The following DNAH7 variants were observed in gnomAD, a reference collection of about 807,000 sequenced individuals.
The protein encoded by DNAH7 is axonemal beta dynein heavy chain 7.
Under a neutral mutation model 444.6 loss-of-function variants are expected in DNAH7, and 397 were observed. That is an observed-to-expected ratio of 0.89 (90% CI 0.82 to 0.97). The LOEUF is 0.97. DNAH7 is among the 50% of genes least tolerant of loss of function. The pLI, the probability that DNAH7 is intolerant of heterozygous loss-of-function variation, is 0.00. For synonymous variants in DNAH7, 1,636 were observed against 1,624.4 expected, an observed-to-expected ratio of 1.01 and a Z score of -0.17; for missense variants, 4,902 against 4,800.8, an observed-to-expected ratio of 1.02 and a Z score of -0.62.
intron 19 of DNAH7, among the ~76,000 whole-genome samples, chr2:195,951,329 T>C (rs1214788013): frequency 1.3e-5 from 2 of 152,300 alleles, no homozygotes; most frequent in South Asian, 2.1e-4. Flanking sequence ...TTCTGTTCTT[T>C]TGCATTTGCT....
chr2:195,902,868 T>C (rs1686791667), intron 27 of DNAH7: 1 of 152,180 alleles, frequency 6.6e-6, no homozygotes, highest in African/African-American at 2.4e-5. Flanking sequence ...TTGTGCAGCA[T>C]ACAGATATAA....
chr2:195,842,267 T>C (rs1157383085), intron 47 of DNAH7, among the ~76,000 whole-genome samples: 2 of 152,094 alleles, frequency 1.3e-5, no homozygotes, highest in African/African-American at 2.4e-5. Flanking sequence ...CAGGGACCTT[T>C]AGGAGTCAAC....
chr2:195,816,776 G>T lies in DNAH7; in HGVS notation c.9613C>A (p.Pro3205Thr). ...AGGATGGAAGAATGGATGGCAATAG[G>T]ACGATAGCCCATGCGGGTGGTGTCA... ...KIDTTRMGYR[P>T]IAIHSSILFF... is the part of the protein sequence containing the mutation. The change falls in exon 51 of 65, where the codon CCT (proline) becomes ACT (threonine). Residue 3205 changes from proline to threonine, a missense_variant. Transcript: ENST00000312428. The T allele has an allele frequency of 3.1e-6, 5 of 1,614,136 alleles. No homozygotes were observed. The highest frequency in any genetic ancestry group is 4.2e-6 in the Non-Finnish European group (5 of 1,180,006).
intron 22 of DNAH7, among the ~76,000 whole-genome samples, chr2:195,925,067 CAG>C (rs1400704842): frequency 2.0e-5 from 3 of 151,930 alleles, no homozygotes; most frequent in Non-Finnish European, 4.4e-5. Context: ...GTTTAAAAGA[CAG>C]AGATGAGGAC....
At chr2:196,022,975 C>G (rs2125765495) in intron 8 of DNAH7, among the ~76,000 whole-genome samples, 1 of 152,282 alleles carries the variant, frequency 6.6e-6, no homozygotes, top group South Asian at 2.1e-4. Flanking sequence ...GTTTGGGGAA[C>G]AGTTGATCCC....
intron 25 of DNAH7, among the ~76,000 whole-genome samples, chr2:195,907,670 G>C (rs1409448099): frequency 6.6e-6 from 1 of 152,060 alleles, no homozygotes; most frequent in East Asian, 1.9e-4. Context: ...TGCCAACCGT[G>C]ACTCACAGCA....
chr2:195,859,908 T>C (rs898471479), intron 42 of DNAH7, among the ~76,000 whole-genome samples: 3 of 152,172 alleles, frequency 2.0e-5, no homozygotes, highest in African/African-American at 7.2e-5. Context: ...ATAGATTTCC[T>C]TCCAAGTAAC....
chr2:195,923,190 C>T (rs1574780885), intron 23 of DNAH7, among the ~76,000 whole-genome samples: 1 of 152,056 alleles, frequency 6.6e-6, no homozygotes, highest in African/African-American at 2.4e-5. Flanking sequence ...ATGACTAAAT[C>T]AGACTGAAAG....
chr2:195,897,053 C>T (rs1205491595), intron 29 of DNAH7, among the ~76,000 whole-genome samples: 1 of 152,160 alleles, frequency 6.6e-6, no homozygotes, highest in African/African-American at 2.4e-5. Flanking sequence ...GTTAGTCCAA[C>T]ATCTAACATT....
At chr2:196,006,240 G>A (rs767213782) in intron 10 of DNAH7, among the ~76,000 whole-genome samples, 1 of 151,966 alleles carries the variant, frequency 6.6e-6, no homozygotes, top group Non-Finnish European at 1.5e-5. Flanking sequence ...CAGGAAGCAG[G>A]GGTTGCAGTG....
Position 196,068,801 on chromosome 2 carries a change from T to G in DNAH7, c.-90A>C. ...ACGATAGAGGCAGGGCCCCGGGACT[T>G]GCAGCGGTCTCAGCTCCCTCCGCAC... On this transcript the variant is annotated 5_prime_UTR_variant, in exon 1 of 65. Coordinates refer to ENST00000312428, the MANE Select transcript of DNAH7 (RefSeq NM_018897.3). 6.6e-7 allele frequency: 1 copy of G among 1,506,186 alleles called. No individual in the cohort carries two copies. Among genetic ancestry groups the G allele is most frequent in the East Asian group, 2.5e-5 (1 of 39,868 alleles). 93.3% of individuals were successfully genotyped at this position (1,506,186 alleles called of 1,614,324 possible).
intron 20 of DNAH7, among the ~76,000 whole-genome samples, chr2:195,935,618 A>T (rs1688996385): frequency 6.6e-6 from 1 of 152,206 alleles, no homozygotes; most frequent in South Asian, 2.1e-4. Flanking sequence ...GCCATTAACA[A>T]ATAAGTAAAT....
intron 13 of DNAH7, among the ~76,000 whole-genome samples, 163 bp downstream of exon 13, chr2:195,987,794 C>A (rs190242385): frequency 6.6e-6 from 1 of 152,128 alleles, no homozygotes; most frequent in Admixed American, 6.6e-5. Context: ...GATTCTTATA[C>A]TCAGGGCTTA....
intron 36 of DNAH7, among the ~76,000 whole-genome samples, chr2:195,878,772 AAG>A (rs2125159314): frequency 6.6e-6 from 1 of 152,290 alleles, no homozygotes; most frequent in South Asian, 2.1e-4. Flanking sequence ...AAACTTCCAA[AAG>A]AGTTGCTGCA....
At position 195,835,437 on chromosome 2, in the gene DNAH7, A is replaced by C. The variant is rs183263517; in HGVS notation, c.8946-1077T>G. On this transcript the variant is annotated intron_variant, in intron 47 of 64. Transcript: ENST00000312428. ...AAAAGGTAGGGGGATATAACAGGAT[A>C]ACATATTAAATTCACTCTCATTATA... is the stretch of plus-strand genomic sequence containing the variant. Among the ~76,000 whole-genome samples the C allele has an allele frequency of 1.7e-3, 264 of 152,174 alleles. 1 individual carries two copies. The highest frequency in any genetic ancestry group is 3.0e-3 in the Non-Finnish European group (203 of 67,988).
chr2:196,014,317 T>C (rs1046865549), intron 9 of DNAH7, among the ~76,000 whole-genome samples: 5 of 152,184 alleles, frequency 3.3e-5, no homozygotes, highest in African/African-American at 1.2e-4. Context: ...CAAGTCTCTT[T>C]AAAAGTTTTA....
chr2:196,061,348 T>C (rs1368708108), intron 1 of DNAH7, among the ~76,000 whole-genome samples: 2 of 152,106 alleles, frequency 1.3e-5, no homozygotes, highest in Non-Finnish European at 2.9e-5. Context: ...TTAACCTTTA[T>C]CCTAAGTTCC....
intron 47 of DNAH7, among the ~76,000 whole-genome samples, chr2:195,843,303 A>C (rs773065218): frequency 5.3e-5 from 8 of 152,158 alleles, no homozygotes; most frequent in Non-Finnish European, 1.2e-4. Context: ...GCAGCCAGCT[A>C]ATGCACATAT....
chr2:195,932,961 T>C (rs887228676), intron 21 of DNAH7, among the ~76,000 whole-genome samples: 21 of 152,172 alleles, frequency 1.4e-4, no homozygotes, highest in African/African-American at 4.6e-4. Flanking sequence ...ATTCCCTCTT[T>C]TTCTATTGAT....
Sources: gnomAD v4.1 joint callset for allele counts (sites outside exome capture counted in the v4.1 genomes callset) on GRCh38, gnomAD v4.1.1 for gene constraint, MANE v1.5 for transcripts, NCBI Gene and HGNC (gene_info 2026-07-23, HGNC 2026-07-21) for gene names.